The following RBFOX1 variants were observed in gnomAD, a reference collection of about 807,000 sequenced individuals.
The protein encoded by RBFOX1 is RNA binding fox-1 homolog 1.
A neutral mutation model predicts 57.7 loss-of-function variants in RBFOX1; 8 were observed. The observed-to-expected ratio is 0.14, with a 90% CI of 0.08 to 0.25. The LOEUF (loss-of-function observed/expected upper bound fraction) is 0.25, where lower values mean the gene tolerates loss of function less well. RBFOX1 is among the 10% of genes least tolerant of loss of function. The probability of loss-of-function intolerance (pLI) is 1.00; values close to 1 mark genes in which losing one functional copy is unlikely to be tolerated. For synonymous variants in RBFOX1, 326 were observed against 222.4 expected (o/e 1.47, Z -4.15); for missense variants, 611 against 548.5 (o/e 1.11, Z -1.14).
chr16:6,959,631 G>C (rs1382055442), intron 3 of RBFOX1, among the ~76,000 whole-genome samples: 2 of 152,126 alleles, frequency 1.3e-5, no homozygotes, highest in African/African-American at 4.8e-5. Context: ...TGACTGAGTG[G>C]TTACGTTAAA....
intron 3 of RBFOX1, among the ~76,000 whole-genome samples, chr16:7,004,783 T>C (rs1334859748): frequency 2.6e-5 from 4 of 152,164 alleles, no homozygotes; most frequent in Admixed American, 6.5e-5. Context: ...CAGATTAAGA[T>C]AACCTAATCC....
At chr16:5,843,321 T>C (rs1429025003) in intron 3 of RBFOX1, among the ~76,000 whole-genome samples, 3 of 152,238 alleles carry the variant, frequency 2.0e-5, no homozygotes, top group Admixed American at 2.0e-4. Context: ...CTCCAGTGTG[T>C]GCTGTTCCCT....
intron 14 of RBFOX1, among the ~76,000 whole-genome samples, chr16:7,695,592 C>T (rs1212712166): frequency 2.8e-5 from 4 of 142,014 alleles, no homozygotes; most frequent in South Asian, 2.2e-4. Flanking sequence ...GCGGAGGTTG[C>T]AGTGAGCAGA....
At chr16:6,787,505 C>A (rs911450589) in intron 3 of RBFOX1, among the ~76,000 whole-genome samples, 3 of 152,118 alleles carry the variant, frequency 2.0e-5, no homozygotes, top group African/African-American at 4.8e-5. Flanking sequence ...AGTTGTGTGA[C>A]TGTATGCTGG....
Position 5,482,318 on chromosome 16 carries a change from A to G in RBFOX1, c.258+15064A>G, listed in dbSNP as rs1003466918. Among the ~76,000 whole-genome samples the G allele has an allele frequency of 3.9e-5, 6 of 152,234 alleles. No individual in the cohort carries two copies. The South Asian group carries it at 1.0e-3, about 26-fold the overall frequency. ...ATGCTGAAGGAGTGTGATGCACACC[A>G]TTCGGTACTGGGAGGTAGAGACTTT... On this transcript the variant is annotated intron_variant, in intron 2 of 2. Coordinates refer to the RBFOX1 transcript ENST00000585867.
At chr16:7,608,996 T>G (rs2056896566) in intron 10 of RBFOX1, among the ~76,000 whole-genome samples, 1 of 152,184 alleles carries the variant, frequency 6.6e-6, no homozygotes, top group African/African-American at 2.4e-5. Context: ...TGGCAGTTTA[T>G]TCAGGGGACA....
intron 1 of RBFOX1, among the ~76,000 whole-genome samples, chr16:6,046,866 A>G (rs552117667): frequency 2.6e-5 from 4 of 152,270 alleles, no homozygotes; most frequent in South Asian, 2.1e-4. Context: ...GAGGAAACAG[A>G]TATTACATTG....
rs2096316373 is a variant in RBFOX1 at position 6,102,056 on chromosome 16, T to C, written c.-127+82064T>C. ...TGGTGTGACTGTTGCATTGGCTGCA[T>C]TTTGTTTCCTATGTGTGTAGCAGGG... is the stretch of plus-strand genomic sequence containing the variant. On this transcript the variant is annotated intron_variant, in intron 1 of 15. Coordinates refer to ENST00000550418, the MANE Select transcript of RBFOX1 (RefSeq NM_018723.4). Among the ~76,000 whole-genome samples, 3 of 152,150 alleles carry C rather than the reference T, an allele frequency of 2.0e-5. No homozygotes were observed. In the East Asian group the frequency reaches 5.8e-4, roughly 29 times the overall value.
chr16:7,099,447 T>C (rs1037037226), intron 4 of RBFOX1, among the ~76,000 whole-genome samples: 19 of 152,176 alleles, frequency 1.2e-4, no homozygotes, highest in Admixed American at 1.2e-3. Flanking sequence ...ATATTTAGTG[T>C]CTAGCTGAGT....
chr16:7,431,779 A>C (rs954994791), intron 4 of RBFOX1, among the ~76,000 whole-genome samples: 17 of 152,184 alleles, frequency 1.1e-4, no homozygotes, highest in African/African-American at 4.1e-4. Flanking sequence ...CTTTAGACCC[A>C]CATTACTGAG....
At chr16:6,525,902 A>T (rs948512499) in intron 2 of RBFOX1, among the ~76,000 whole-genome samples, 1 of 152,070 alleles carries the variant, frequency 6.6e-6, no homozygotes, top group Non-Finnish European at 1.5e-5. Flanking sequence ...CATAGCACAC[A>T]GGAAATGCCT....
At chr16:7,225,934 T>C (rs1230567800) in intron 4 of RBFOX1, among the ~76,000 whole-genome samples, 1 of 115,292 alleles carries the variant, frequency 8.7e-6, no homozygotes, top group African/African-American at 4.8e-5. Context: ...GTGAATGTCA[T>C]GTTTCTGAGA....
chr16:5,824,729 C>T (rs959509068), intron 3 of RBFOX1, among the ~76,000 whole-genome samples: 3 of 152,236 alleles, frequency 2.0e-5, no homozygotes, highest in Admixed American at 6.5e-5. Context: ...GCTGCAGGCT[C>T]AGACGTTGCT....
chr16:7,351,238 T>G (rs1205442441), intron 4 of RBFOX1, among the ~76,000 whole-genome samples: 1 of 152,228 alleles, frequency 6.6e-6, no homozygotes, highest in African/African-American at 2.4e-5. Context: ...ACAGGTTCTT[T>G]TACCTCTCTG....
intron 4 of RBFOX1, among the ~76,000 whole-genome samples, chr16:7,214,112 A>G (rs1603265723): frequency 1.3e-5 from 2 of 152,014 alleles, no homozygotes; most frequent in Admixed American, 1.3e-4. Context: ...TTCCCCTGCT[A>G]CCTTATTTTC....
chr16:6,482,317 C>G (rs1169033548), intron 2 of RBFOX1, among the ~76,000 whole-genome samples: 1 of 152,166 alleles, frequency 6.6e-6, no homozygotes, highest in Admixed American at 6.6e-5. Flanking sequence ...GCAGTTCTAA[C>G]TGTGAAGAGA....
chr16:5,787,211 CT>C (rs746207028), intron 3 of RBFOX1, among the ~76,000 whole-genome samples: 1 of 152,192 alleles, frequency 6.6e-6, no homozygotes, highest in Non-Finnish European at 1.5e-5. Context: ...CCACAGGGCC[CT>C]TTCACTGGGA....
At chr16:6,414,805 G>C (rs1346047100) in intron 2 of RBFOX1, among the ~76,000 whole-genome samples, 4 of 152,168 alleles carry the variant, frequency 2.6e-5, no homozygotes, top group East Asian at 1.9e-4. Context: ...TCTGTCTTGA[G>C]ACAATTTTCA....
intron 1 of RBFOX1, among the ~76,000 whole-genome samples, chr16:5,424,877 TTCTTTC>T (rs2067474787): frequency 9.1e-5 from 1 of 10,952 alleles, no homozygotes; most frequent in South Asian, 2.7e-3. Flanking sequence ...TTTCTTTTTT[TTCTTTC>T]TTTCTTTCTT....
Sources: allele counts gnomAD v4.1 joint callset (sites outside exome capture counted in the v4.1 genomes callset), GRCh38; gene constraint gnomAD v4.1.1; transcripts MANE v1.5; gene names NCBI Gene and HGNC (gene_info 2026-07-23, HGNC 2026-07-21).